Variants in DAOA observed in about 807,000 individuals in gnomAD.
DAOA encodes the protein D-amino acid oxidase activator.
A neutral mutation model predicts 16.4 loss-of-function variants in DAOA; 15 were observed. The observed-to-expected ratio is 0.91, with a 90% CI of 0.61 to 1.41. The LOEUF is 1.41. Ranked by LOEUF, DAOA falls within the 40% of genes most tolerant of loss-of-function variation. DAOA has a pLI of 0.00. For synonymous variants in DAOA, 75 were observed against 59.1 expected (o/e 1.27, Z -1.23); for missense variants, 230 against 176.8 (o/e 1.30, Z -1.71).
At chr13:105,473,531 T>A (rs1030198731) in intron 4 of DAOA, among the ~76,000 whole-genome samples, 4 of 152,184 alleles carry the variant, frequency 2.6e-5, no homozygotes, top group African/African-American at 9.7e-5. Context: ...TTGACTTTCA[T>A]GTTTTATCTG....
intron 4 of DAOA, among the ~76,000 whole-genome samples, chr13:105,483,630 G>C (rs1037392006): frequency 4.6e-5 from 7 of 151,712 alleles, no homozygotes; most frequent in Non-Finnish European, 1.0e-4. Context: ...CTTTTCATAT[G>C]CATATTCTCT....
chr13:105,474,952 GAACA>G (rs1877234310), intron 4 of DAOA: 1 of 902,968 alleles, frequency 1.1e-6, no homozygotes, highest in Non-Finnish European at 1.3e-6. Flanking sequence ...CGTTCTGAAC[GAACA>G]TTCACCTCAT....
intron 5 of DAOA, 147 bp from the exon 6 acceptor site, chr13:105,490,765 T>C (rs1021188058): frequency 6.6e-6 from 1 of 152,064 alleles, no homozygotes; most frequent in East Asian, 1.9e-4. Context: ...CAAAAAATAA[T>C]AACTCAGTGT....
intron 4 of DAOA, among the ~76,000 whole-genome samples, chr13:105,476,179 G>A (rs1027971635): frequency 6.6e-6 from 1 of 151,882 alleles, no homozygotes; most frequent in Admixed American, 6.5e-5. Context: ...GAAAACCAAT[G>A]AGAGAAGAAA....
chr13:105,466,357 G>A (rs1382699329), intron 2 of DAOA, 25 bp downstream of exon 2: 1 of 1,613,734 alleles, frequency 6.2e-7, no homozygotes, highest in East Asian at 2.2e-5. Flanking sequence ...GTTTTTTACA[G>A]CATGGCGGCC....
At chr13:105,469,285 C>T (rs1876761713) in intron 3 of DAOA, among the ~76,000 whole-genome samples, 1 of 152,208 alleles carries the variant, frequency 6.6e-6, no homozygotes, top group Non-Finnish European at 1.5e-5. Context: ...TAGTTCCTGG[C>T]TGCATTTTCT....
chr13:105,470,735 A>G (rs573145907), intron 3 of DAOA, among the ~76,000 whole-genome samples: 3 of 151,750 alleles, frequency 2.0e-5, no homozygotes, highest in Non-Finnish European at 4.4e-5. Context: ...TCAGCCTCCC[A>G]AGCAGCTGAG....
intron 3 of DAOA, among the ~76,000 whole-genome samples, chr13:105,469,046 A>G (rs1479737384): frequency 6.6e-6 from 1 of 152,222 alleles, no homozygotes; most frequent in Non-Finnish European, 1.5e-5. Flanking sequence ...AGAAGACAGC[A>G]GACATCAGTA....
chr13:105,475,992 A>G (rs1274689470), intron 4 of DAOA, among the ~76,000 whole-genome samples: 1 of 152,152 alleles, frequency 6.6e-6, no homozygotes, highest in Non-Finnish European at 1.5e-5. Flanking sequence ...ATATATATAT[A>G]CCCACATTTT....
chr13:105,480,591 C>G (rs922053565), intron 4 of DAOA, among the ~76,000 whole-genome samples: 1 of 151,688 alleles, frequency 6.6e-6, no homozygotes, highest in Non-Finnish European at 1.5e-5. Context: ...GGAGAATTGG[C>G]TCGTGATTAT....
At chr13:105,476,562 T>A (rs1362259234) in intron 4 of DAOA, among the ~76,000 whole-genome samples, 5 of 151,064 alleles carry the variant, frequency 3.3e-5, no homozygotes, top group African/African-American at 7.3e-5. Flanking sequence ...ACAGGCCTAA[T>A]TCTCCCTCTC....
At chr13:105,486,339 C>T (rs1018066046) in intron 4 of DAOA, among the ~76,000 whole-genome samples, 3 of 152,072 alleles carry the variant, frequency 2.0e-5, no homozygotes, top group African/African-American at 7.2e-5. Context: ...TACTTTTTTC[C>T]CCAAACCCAC....
At chr13:105,473,231 A>G (rs1877109283) in intron 4 of DAOA, among the ~76,000 whole-genome samples, 1 of 151,884 alleles carries the variant, frequency 6.6e-6, no homozygotes, top group African/African-American at 2.4e-5. Context: ...TTCCCAGATT[A>G]TTTTCCACTG....
chr13:105,472,675 C>A lies in DAOA; in HGVS notation c.271C>A (p.Pro91Thr). 2 of 1,612,814 alleles carry A rather than the reference C, an allele frequency of 1.2e-6. No homozygotes were observed. The highest frequency in any genetic ancestry group is 1.7e-6 in the Non-Finnish European group (2 of 1,179,418). Residue 91 changes from proline (P) to threonine (T), a missense_variant, in exon 4 of 6, where the codon CCC becomes ACC. Physicochemically the swap from Pro to Thr is conservative, Grantham distance 38. Coordinates refer to ENST00000375936, the MANE Select transcript of DAOA (RefSeq NM_172370.5). ...TCCTTGGGTCTCTTACCTTCCTCAG[C>A]CCTATGCAGAGTATGTATCTTCTTC... ...LCPWVSYLPQPYAELEEVSSH... is the reference protein window; with the variant it reads ...LCPWVSYLPQTYAELEEVSSH...
Position 105,483,210 on chromosome 13 carries a change from C to T in DAOA, c.282-6691C>T, listed in dbSNP as rs564666709. Among the ~76,000 whole-genome samples, 96 of 152,260 alleles carry T rather than the reference C, an allele frequency of 6.3e-4. 3 individuals carry two copies. The South Asian group carries it at 0.019, about 30-fold the overall frequency. ...ATTTTTAGTCTCATCTTCGTTGAGT[C>T]GTATTCCACTGCATCACAGTTTCTT... On this transcript the variant is annotated intron_variant, in intron 4 of 5. Coordinates refer to ENST00000375936, the MANE Select transcript of DAOA (RefSeq NM_172370.5).
intron 5 of DAOA, 51 bp downstream of exon 5, chr13:105,490,243 A>T (rs1018671738): frequency 3.1e-5 from 27 of 884,624 alleles, no homozygotes; most frequent in East Asian, 1.5e-4. Flanking sequence ...ATGAAATATA[A>T]TTTTTATGAA....
intron 4 of DAOA, among the ~76,000 whole-genome samples, chr13:105,485,002 G>A (rs189855711): frequency 6.6e-5 from 10 of 151,970 alleles, no homozygotes; most frequent in African/African-American, 2.2e-4. Flanking sequence ...GTTTCTTGAC[G>A]GTTTGTTTTT....
chr13:105,472,784 T>C, intron 4 of DAOA, 99 bp downstream of exon 4: 1 of 1,048,704 alleles, frequency 9.5e-7, no homozygotes. Flanking sequence ...TAATATTAGA[T>C]TATACTTCAT....
chr13:105,470,080 T>C (rs1876822610), intron 3 of DAOA, among the ~76,000 whole-genome samples: 1 of 151,880 alleles, frequency 6.6e-6, no homozygotes, highest in Non-Finnish European at 1.5e-5. Flanking sequence ...AGGCTGGACA[T>C]GTTTCTTTAC....
Sources: gnomAD v4.1 joint callset for allele counts (sites outside exome capture counted in the v4.1 genomes callset) on GRCh38, gnomAD v4.1.1 for gene constraint, MANE v1.5 for transcripts, NCBI Gene and HGNC (gene_info 2026-07-23, HGNC 2026-07-21) for gene names.